The following PCYT1B variants were observed in gnomAD, a reference collection of about 807,000 sequenced individuals.
PCYT1B encodes the protein choline-phosphate cytidylyltransferase B.
In PCYT1B, 10 loss-of-function variants were observed where a neutral mutation model predicts 26.4. The ratio of observed to expected loss-of-function variants is 0.38; its 90% CI spans 0.23 to 0.64. The LOEUF (loss-of-function observed/expected upper bound fraction) is 0.64, where lower values mean the gene tolerates loss of function less well. Ranked by LOEUF, PCYT1B falls within the 30% of genes least tolerant of loss-of-function variation. The pLI, the probability that PCYT1B is intolerant of heterozygous loss-of-function variation, is 0.56. For missense variants in PCYT1B, 161 were observed against 292.7 expected (o/e 0.55, Z 3.28); for synonymous variants, 131 against 108.4 (o/e 1.21, Z -1.29).
intron 7 of PCYT1B, among the ~76,000 whole-genome samples, chrX:24,568,344 G>A (rs1390719499): frequency 9.0e-6 from 1 of 111,419 alleles, no homozygotes; most frequent in Non-Finnish European, 1.9e-5. Context: ...ATCAGCCTGG[G>A]CAACATAGTG....
chrX:24,624,127 A>G lies in PCYT1B; in HGVS notation c.118-5043T>C, dbSNP rs748201415. 3.1e-3 allele frequency among the ~76,000 whole-genome samples: 339 copies of G among 109,033 alleles called. 1 individual carries two copies. The highest frequency in any genetic ancestry group is 9.6e-3 in the African/African-American group (287 of 29,940). 94.7% of individuals were successfully genotyped at this position (109,033 alleles called of 115,157 possible). Reference sequence around the variant, plus strand: ...TGGGACTACAGGAGCCCGCCACCACACCCGGCTAATTTTTTGTATTTTTAG... The same window carrying G: ...TGGGACTACAGGAGCCCGCCACCACGCCCGGCTAATTTTTTGTATTTTTAG... On this transcript the variant is annotated intron_variant, in intron 1 of 7. Transcript: ENST00000379144.
chrX:24,570,545 T>C (rs1923792982), intron 7 of PCYT1B, among the ~76,000 whole-genome samples: 1 of 111,218 alleles, frequency 9.0e-6, no homozygotes, highest in Admixed American at 9.6e-5. Flanking sequence ...TGAACTACTG[T>C]GCCTGGCCAC....
chrX:24,665,604 C>T (rs768136468), intron 1 of PCYT1B, among the ~76,000 whole-genome samples: 16 of 111,275 alleles, frequency 1.4e-4, no homozygotes, highest in Non-Finnish European at 2.6e-4. Context: ...TTTTATTTTT[C>T]AATTAACTGA....
At chrX:24,640,800 C>T (rs762154969) in intron 1 of PCYT1B, among the ~76,000 whole-genome samples, 6 of 111,627 alleles carry the variant, frequency 5.4e-5, no homozygotes, top group Admixed American at 1.9e-4. Context: ...CCCAACCAAA[C>T]ATGAACTAGA....
intron 3 of PCYT1B, among the ~76,000 whole-genome samples, chrX:24,606,985 A>C (rs980757952): frequency 8.9e-6 from 1 of 112,345 alleles, no homozygotes; most frequent in African/African-American, 3.2e-5. Flanking sequence ...GTAAGACTTG[A>C]TGGTGCCTAG....
chrX:24,585,848 G>A (rs1190441655), intron 5 of PCYT1B, among the ~76,000 whole-genome samples: 2 of 110,070 alleles, frequency 1.8e-5, no homozygotes. Flanking sequence ...AACCACTTAT[G>A]GCCCCCCAGT....
chrX:24,562,477 C>A lies in PCYT1B; in HGVS notation c.926G>T (p.Arg309Leu). 2 of 1,204,774 alleles carry A rather than the reference C, an allele frequency of 1.7e-6. No homozygotes were observed. The highest frequency in any genetic ancestry group is 2.2e-6 in the Non-Finnish European group (2 of 891,538). The change falls in exon 8 of 8, where the codon CGG becomes CTG. Residue 309 changes from arginine (R) to leucine (L), a missense_variant. Arg to Leu is a moderately radical substitution (Grantham distance 102). Around this residue, in one of 4 missense-constraint regions of PCYT1B, gnomAD observed 38 missense variants for 55.9 expected, o/e 0.68. Coordinates refer to ENST00000379144, the MANE Select transcript of PCYT1B (RefSeq NM_004845.5). ...WKQMFQERSS[R>L]MLQALSPKQS... ...CTTCGGGGATAAGGCCTGCAGCATC[C>A]GGCTGCTCCTCTCCTGGAACATCTG...
chrX:24,626,817 T>A (rs1425246027), intron 1 of PCYT1B, among the ~76,000 whole-genome samples: 3 of 111,819 alleles, frequency 2.7e-5, no homozygotes, highest in Non-Finnish European at 5.6e-5. Flanking sequence ...ACTTTTTGAG[T>A]CCTTGCTGTG....
chrX:24,618,303 T>C (rs1925582789), intron 2 of PCYT1B, among the ~76,000 whole-genome samples: 1 of 112,360 alleles, frequency 8.9e-6, no homozygotes, highest in African/African-American at 3.2e-5. Flanking sequence ...TATGCCTTCA[T>C]GGTTTTAAAA....
In PCYT1B at chrX:24,625,382, G is replaced by A. The variant is rs191864780; in HGVS notation, c.118-6298C>T. On this transcript the variant is annotated intron_variant, in intron 1 of 7. Transcript: ENST00000379144. ...TATTTTGTCTTTTGAAGATAGAGAG[G>A]ACAGAAAAAAATAGATAATATAGTT... 2.7e-5 allele frequency among the ~76,000 whole-genome samples: 3 copies of A among 110,789 alleles called. No homozygotes were observed. The Admixed American group carries it at 2.9e-4, about 11-fold the overall frequency.
chrX:24,634,530 G>A (rs1477599637), intron 1 of PCYT1B, among the ~76,000 whole-genome samples: 17 of 111,093 alleles, frequency 1.5e-4, no homozygotes, highest in East Asian at 2.8e-4. Flanking sequence ...GGCGGATCAC[G>A]AGGTCAGGAG....
At chrX:24,646,638 C>T (rs1165309096) in intron 1 of PCYT1B, among the ~76,000 whole-genome samples, 1 of 110,916 alleles carries the variant, frequency 9.0e-6, no homozygotes, top group East Asian at 2.8e-4. Flanking sequence ...GGGACTCTTC[C>T]CGAGCTTGGT....
intron 1 of PCYT1B, among the ~76,000 whole-genome samples, chrX:24,629,592 A>AAAAAAAC (rs1491555900): frequency 1.1e-5 from 1 of 91,534 alleles, no homozygotes; most frequent in Non-Finnish European, 2.2e-5. Context: ...AAAAAAAAAC[A>AAAAAAAC]ACACGTATTT....
At chrX:24,630,300 GTTTGT>G (rs1402063132) in intron 1 of PCYT1B, among the ~76,000 whole-genome samples, 1 of 111,330 alleles carries the variant, frequency 9.0e-6, no homozygotes, top group Non-Finnish European at 1.9e-5. Context: ...TTGTTTGTTT[GTTTGT>G]TTTGTTTTGA....
chrX:24,613,759 C>T (rs1925384465), intron 2 of PCYT1B, among the ~76,000 whole-genome samples: 2 of 109,107 alleles, frequency 1.8e-5, no homozygotes, highest in Non-Finnish European at 3.8e-5. Context: ...TTGAGACCAG[C>T]CTGGGCAGCA....
chrX:24,670,107 A>AG (rs57353208), intron 1 of PCYT1B, among the ~76,000 whole-genome samples: 2,385 of 65,911 alleles, frequency 0.036, 42 homozygotes, highest in Non-Finnish European at 0.045. Context: ...AAAGAAAGAA[A>AG]GAAAGAAAGG....
chrX:24,573,131 CAT>C (rs1286939011), intron 7 of PCYT1B, among the ~76,000 whole-genome samples: 11 of 18,750 alleles, frequency 5.9e-4, no homozygotes, highest in South Asian at 7.9e-3. Flanking sequence ...TATACACACA[CAT>C]ACACACACAC....
rs377001225 is a variant in PCYT1B, at chrX:24,562,273, C to T, written c.*20G>A. 6.1e-6 allele frequency: 7 copies of T among 1,153,219 alleles called. No homozygotes were observed. In the African/African-American group the frequency reaches 1.3e-4, roughly 21 times the overall value. On this transcript the variant is annotated 3_prime_UTR_variant, in exon 8 of 8. Coordinates refer to ENST00000379144, the MANE Select transcript of PCYT1B (RefSeq NM_004845.5). The stretch of plus-strand genomic sequence containing the variant: ...CTCCTCCCCATCCTGCATGGTGCGG[C>T]TCTTGCCTCCCAGCAGCCTCTACTT...
chrX:24,611,742 T>G (rs1255131315), intron 2 of PCYT1B, among the ~76,000 whole-genome samples: 1 of 110,545 alleles, frequency 9.0e-6, no homozygotes, highest in Non-Finnish European at 1.9e-5. Flanking sequence ...GAGGCCGAGG[T>G]GGGTGGATTA....
Sources: allele counts gnomAD v4.1 joint callset (sites outside exome capture counted in the v4.1 genomes callset), GRCh38; gene constraint gnomAD v4.1.1; regional missense constraint gnomAD v4.1.1; transcripts MANE v1.5; gene names NCBI Gene and HGNC (gene_info 2026-07-23, HGNC 2026-07-21).